SLC24A2: variants seen among roughly 807,000 people sequenced by gnomAD.
The protein encoded by SLC24A2 is solute carrier family 24 member 2.
SLC24A2 carries 36 observed loss-of-function variants against 62.0 expected under a neutral mutation model. The ratio of observed to expected loss-of-function variants is 0.58; its 90% confidence interval spans 0.44 to 0.77. SLC24A2 has a LOEUF of 0.77. Among genes scored for constraint, SLC24A2 ranks in the 30% least tolerant of loss-of-function variants. The pLI is 0.00. For synonymous variants in SLC24A2, 358 were observed against 294.0 expected (o/e 1.22, Z -2.23); for missense variants, 846 against 817.9 (o/e 1.03, Z -0.42).
chr9:20,246,706 T>A, the SLC24A2 span, among the ~76,000 whole-genome samples: 1 of 152,198 alleles, frequency 6.6e-6, no homozygotes, highest in Admixed American at 6.5e-5. Flanking sequence ...GCCCCTGACA[T>A]TTGGCCTGCC....
the SLC24A2 span, among the ~76,000 whole-genome samples, chr9:20,109,327 A>C: frequency 6.6e-6 from 1 of 152,230 alleles, no homozygotes; most frequent in Non-Finnish European, 1.5e-5. Context: ...TGCTACCCTC[A>C]GAAAGACCTG....
Position 19,745,792 on chromosome 9 carries a change from G to T in SLC24A2, c.930+40145C>A, listed in dbSNP as rs567378238. On this transcript the variant is annotated intron_variant, in intron 2 of 10. Transcript: ENST00000341998. ...ATAAGAACTTTACACAATAGGCAAA[G>T]CAAGTCAAAAAAGTTTATTATGCCC... Among the ~76,000 whole-genome samples the T allele has an allele frequency of 2.0e-5, 3 of 152,208 alleles. No individual in the cohort carries two copies. In the South Asian group the frequency reaches 6.2e-4, roughly 32 times the overall value.
chr9:19,919,560 GA>G, the SLC24A2 span, among the ~76,000 whole-genome samples: 1 of 152,000 alleles, frequency 6.6e-6, no homozygotes, highest in Non-Finnish European at 1.5e-5. Context: ...ACAGTTTGTG[GA>G]AAAAACCTCT....
At chr9:19,820,009 G>GTA in the SLC24A2 span, among the ~76,000 whole-genome samples, 891 of 108,698 alleles carry the variant, frequency 8.2e-3, 31 homozygotes, top group African/African-American at 0.019. Context: ...ATATATATGT[G>GTA]TATATATATA....
chr9:20,269,704 C>G, the SLC24A2 span, among the ~76,000 whole-genome samples: 1 of 152,184 alleles, frequency 6.6e-6, no homozygotes, highest in African/African-American at 2.4e-5. Flanking sequence ...TCCTTAGAGG[C>G]TTACCTTCTG....
intron 2 of SLC24A2, among the ~76,000 whole-genome samples, chr9:19,783,829 A>C (rs966925965): frequency 1.3e-5 from 2 of 152,192 alleles, no homozygotes; most frequent in Non-Finnish European, 1.5e-5. Flanking sequence ...TTTAGAAAAA[A>C]ATCTCTACTT....
chr9:20,109,168 T>A, the SLC24A2 span, among the ~76,000 whole-genome samples: 1 of 152,190 alleles, frequency 6.6e-6, no homozygotes, highest in Admixed American at 6.6e-5. Context: ...GTACGTATAC[T>A]CTCTGACGTT....
the SLC24A2 span, among the ~76,000 whole-genome samples, chr9:19,798,956 C>T: frequency 6.6e-6 from 1 of 152,122 alleles, no homozygotes; most frequent in Non-Finnish European, 1.5e-5. Context: ...TATCCCCTTT[C>T]CATCCTCTGT....
chr9:19,743,556 T>G (rs74646486), intron 2 of SLC24A2, among the ~76,000 whole-genome samples: 9,850 of 152,256 alleles, frequency 0.065, 467 homozygotes, highest in Middle Eastern at 0.11. Flanking sequence ...GAGCAGTTAC[T>G]GCGCAGTACA....
intron 2 of SLC24A2, among the ~76,000 whole-genome samples, chr9:19,720,136 T>C (rs921622042): frequency 3.9e-5 from 6 of 152,224 alleles, no homozygotes; most frequent in African/African-American, 1.4e-4. Flanking sequence ...CCATTAAAAG[T>C]AAGTACCAAC....
chr9:20,154,622 C>G, the SLC24A2 span, among the ~76,000 whole-genome samples: 1 of 146,220 alleles, frequency 6.8e-6, no homozygotes, highest in African/African-American at 2.5e-5. Context: ...ATGTCAGATT[C>G]TTTGCCAACT....
chr9:19,561,707 G>A (rs774923638), intron 7 of SLC24A2, among the ~76,000 whole-genome samples: 8 of 152,144 alleles, frequency 5.3e-5, no homozygotes, highest in Non-Finnish European at 8.8e-5. Flanking sequence ...TGGGATTACA[G>A]GCGTGAGCCA....
At chr9:19,734,486 A>T (rs1460224493) in intron 2 of SLC24A2, among the ~76,000 whole-genome samples, 2 of 152,146 alleles carry the variant, frequency 1.3e-5, no homozygotes, top group Non-Finnish European at 2.9e-5. Flanking sequence ...CAGTATGGCC[A>T]TTTTCACAAT....
At chr9:19,749,799 T>C (rs890228001) in intron 2 of SLC24A2, among the ~76,000 whole-genome samples, 2 of 151,994 alleles carry the variant, frequency 1.3e-5, no homozygotes, top group African/African-American at 4.8e-5. Flanking sequence ...CTCAGTGGGG[T>C]TTGGGGTCAT....
At chr9:20,145,709 A>T in the SLC24A2 span, among the ~76,000 whole-genome samples, 1 of 151,836 alleles carries the variant, frequency 6.6e-6, no homozygotes, top group African/African-American at 2.4e-5. Flanking sequence ...CCTCAGGGAT[A>T]ACCACTGTTA....
intron 2 of SLC24A2, among the ~76,000 whole-genome samples, chr9:19,751,974 C>T (rs984601343): frequency 2.0e-5 from 3 of 152,148 alleles, no homozygotes; most frequent in Non-Finnish European, 1.5e-5. Context: ...GTACCAGCTG[C>T]TTCTCTGCAA....
At chr9:20,262,811 C>A in the SLC24A2 span, among the ~76,000 whole-genome samples, 2 of 152,208 alleles carry the variant, frequency 1.3e-5, no homozygotes, top group African/African-American at 2.4e-5. Context: ...CTCGTCACGC[C>A]CTCCTAGGTG....
the SLC24A2 span, among the ~76,000 whole-genome samples, chr9:20,011,386 C>G: frequency 2.0e-5 from 3 of 152,056 alleles, no homozygotes; most frequent in South Asian, 2.1e-4. Context: ...TTTCATGTGT[C>G]TTTTGGCTGC....
chr9:19,896,934 T>A, the SLC24A2 span, among the ~76,000 whole-genome samples: 1 of 152,186 alleles, frequency 6.6e-6, no homozygotes, highest in Non-Finnish European at 1.5e-5. Context: ...AATTTAAGAG[T>A]TGGGAAAAAT....
Sources: gnomAD v4.1 joint callset for allele counts (sites outside exome capture counted in the v4.1 genomes callset) on GRCh38, gnomAD v4.1.1 for gene constraint, MANE v1.5 for transcripts, NCBI Gene and HGNC (gene_info 2026-07-23, HGNC 2026-07-21) for gene names.